The following KIF27 variants were observed in gnomAD, a reference collection of about 807,000 sequenced individuals.
KIF27 encodes the protein kinesin family member 27, also known as kinesin-like protein KIF27.
Under a neutral mutation model 141.8 loss-of-function variants are expected in KIF27, and 84 were observed. The ratio of observed to expected loss-of-function variants is 0.59; its 90% CI spans 0.50 to 0.71. KIF27 has a LOEUF of 0.71. Ranked by LOEUF, KIF27 falls within the 30% of genes least tolerant of loss-of-function variation. The pLI is 0.00. For synonymous variants in KIF27, 471 were observed against 569.5 expected, an observed-to-expected ratio of 0.83 and a Z score of 2.46; for missense variants, 1,306 against 1,628.4, an observed-to-expected ratio of 0.80 and a Z score of 3.41.
At chr9:83,869,490 C>T (rs1344438081) in intron 12 of KIF27, among the ~76,000 whole-genome samples, 1 of 152,140 alleles carries the variant, frequency 6.6e-6, no homozygotes. Context: ...AATCCCAGCA[C>T]TTTGGGAGGC....
chr9:83,907,338 A>T (rs1267933028), intron 3 of KIF27, among the ~76,000 whole-genome samples: 5 of 135,496 alleles, frequency 3.7e-5, no homozygotes, highest in Non-Finnish European at 6.5e-5. Flanking sequence ...AAATAAATAA[A>T]TAATATGTAC....
In KIF27 at chr9:83,899,662, T is replaced by G. The variant is rs766736854; in HGVS notation, c.1601A>C (p.Gln534Pro). 3.7e-6 allele frequency: 6 copies of G among 1,613,494 alleles called. No homozygotes were observed. The highest frequency in any genetic ancestry group is 5.1e-6 in the Non-Finnish European group (6 of 1,179,572). ...LKEAQKVNRL[Q>P]NEKIIEQQLL... ...GAGCTAGATGCATTAAGAAACTACC[T>G]GCAGTCTATTCACTTTTTGCGCTTC... is the stretch of plus-strand genomic sequence containing the variant. The change falls in exon 5 of 18, where the codon CAG (glutamine) becomes CCG (proline). Residue 534 changes from glutamine to proline, a missense_variant and splice_region_variant. This residue lies in a region of KIF27 where 596 missense variants were observed against 751.6 expected (regional missense o/e 0.79). Coordinates refer to ENST00000297814, the MANE Select transcript of KIF27 (RefSeq NM_017576.4).
Position 83,853,672 on chromosome 9 carries a change from C to T in KIF27, c.3314G>A (p.Ser1105Asn). The T allele has an allele frequency of 1.9e-6, 3 of 1,613,840 alleles. No homozygotes were observed. The highest frequency in any genetic ancestry group is 2.5e-6 in the Non-Finnish European group (3 of 1,179,824). Residue 1105 changes from serine to asparagine, a missense_variant, in exon 15 of 18, where the codon AGT (serine) becomes AAT (asparagine). By Grantham distance (46) the Ser-to-Asn change is conservative. Transcript: ENST00000297814. ...ANVLEKLACL[S>N]PVEIRTILFR... ...AAGAATAGTTCTAATCTCAACAGGA[C>T]TCAGGCAAGCTAGCTTTTCCAAGAC... is the stretch of plus-strand genomic sequence containing the variant.
At chr9:83,872,993 A>C (rs1455927177) in intron 11 of KIF27, among the ~76,000 whole-genome samples, 1 of 152,220 alleles carries the variant, frequency 6.6e-6, no homozygotes, top group Non-Finnish European at 1.5e-5. Context: ...TTGGATCCTG[A>C]GTTGAGAGCT....
rs1188098684 is a variant in KIF27, at chr9:83,835,328, C to T, written c.*1673G>A. On this transcript the variant is annotated 3_prime_UTR_variant, in exon 18 of 18. Transcript: ENST00000297814. Reference sequence around the variant, plus strand: ...TGGAAGACTAGCTGGAAACCAGAATCTGACTTCAAACAGTTCCTGGTAAAA... The same window carrying T: ...TGGAAGACTAGCTGGAAACCAGAATTTGACTTCAAACAGTTCCTGGTAAAA... Among the ~76,000 whole-genome samples the T allele has an allele frequency of 1.3e-5, 2 of 151,784 alleles. No individual in the cohort carries two copies. The highest frequency in any genetic ancestry group is 2.9e-5 in the Non-Finnish European group (2 of 67,932).
At chr9:83,905,635 G>C (rs1346355823) in intron 3 of KIF27, among the ~76,000 whole-genome samples, 4 of 152,116 alleles carry the variant, frequency 2.6e-5, no homozygotes, top group African/African-American at 9.7e-5. Flanking sequence ...GTAAGTCATA[G>C]TAAAACTTTC....
chr9:83,917,893 C>A (rs1051615390), intron 1 of KIF27, among the ~76,000 whole-genome samples: 6 of 152,110 alleles, frequency 3.9e-5, no homozygotes, highest in African/African-American at 1.4e-4. Context: ...GCAATAATTT[C>A]TCAGATATGA....
chr9:83,896,051 C>CAAAAAAAAAA (rs35504224), intron 5 of KIF27, among the ~76,000 whole-genome samples: 9 of 54,536 alleles, frequency 1.7e-4, no homozygotes, highest in Admixed American at 2.6e-4. Context: ...GACTCTGTCT[C>CAAAAAAAAAA]AAAAAAAAAA....
intron 14 of KIF27, among the ~76,000 whole-genome samples, chr9:83,854,358 A>C (rs1428834222): frequency 6.6e-6 from 1 of 152,196 alleles, no homozygotes; most frequent in Non-Finnish European, 1.5e-5. Flanking sequence ...AAATGTTAGA[A>C]TAAGTTATTA....
intron 13 of KIF27, among the ~76,000 whole-genome samples, chr9:83,864,587 C>T (rs562678031): frequency 3.9e-5 from 6 of 152,304 alleles, no homozygotes; most frequent in South Asian, 2.1e-4. Context: ...GAGTGCTTTA[C>T]TTCCAACTAT....
chr9:83,873,705 C>T (rs1950978021), intron 11 of KIF27, among the ~76,000 whole-genome samples: 1 of 152,118 alleles, frequency 6.6e-6, no homozygotes, highest in African/African-American at 2.4e-5. Flanking sequence ...ATAAAGCTAC[C>T]TTAAATAAAG....
Position 83,846,427 on chromosome 9 carries a change from C to T in KIF27, c.3556+3672G>A, listed in dbSNP as rs541251498. On this transcript the variant is annotated intron_variant, in intron 16 of 17. Transcript: ENST00000297814. The stretch of plus-strand genomic sequence containing the variant: ...ATGGCTAAAGAAGTGTGGCAGTGGG[C>T]TCATGCTCATGGGATTCACTGGTCA... Among the ~76,000 whole-genome samples, 4 of 152,288 alleles carry T rather than the reference C, an allele frequency of 2.6e-5. No homozygotes were observed. The South Asian group carries it at 8.3e-4, about 32-fold the overall frequency.
In KIF27 at chr9:83,837,079, G is replaced by A. The variant is rs1300596579; in HGVS notation, c.4128C>T (p.Ser1376=). The change falls in exon 18 of 18, where the codon TCC becomes TCT. Residue 1376 remains serine (S), a synonymous_variant. Coordinates refer to ENST00000297814, the MANE Select transcript of KIF27 (RefSeq NM_017576.4). The part of the protein sequence containing the change: ...ISALELSLRR[S]SLGVGIGSMA... ...TTGATCCAATGCCAACTCCAAGACT[G>A]GAACGTCGCAATGATAGTTCCAAGG... 2 of 1,613,832 alleles carry A rather than the reference G, an allele frequency of 1.2e-6. No individual in the cohort carries two copies. Among genetic ancestry groups the A allele is most frequent in the Non-Finnish European group, 1.7e-6 (2 of 1,179,880 alleles).
At chr9:83,852,001 G>A (rs1230625310) in intron 15 of KIF27, among the ~76,000 whole-genome samples, 2 of 151,864 alleles carry the variant, frequency 1.3e-5, no homozygotes, top group Admixed American at 6.6e-5. Flanking sequence ...GGCAGCACAC[G>A]CCTGTGATCC....
intron 1 of KIF27, among the ~76,000 whole-genome samples, chr9:83,920,026 G>A (rs1454609851): frequency 6.6e-6 from 1 of 151,938 alleles, no homozygotes; most frequent in Admixed American, 6.6e-5. Context: ...CAGCCCACGA[G>A]TTCCAGACCA....
At chr9:83,899,379 A>C (rs1055840744) in intron 5 of KIF27, among the ~76,000 whole-genome samples, 5 of 152,232 alleles carry the variant, frequency 3.3e-5, no homozygotes, top group African/African-American at 9.6e-5. Context: ...TTGGCAAACA[A>C]CAGGAAGGAA....
chr9:83,839,280 T>C (rs1946290596), intron 17 of KIF27, among the ~76,000 whole-genome samples: 2 of 152,180 alleles, frequency 1.3e-5, no homozygotes, highest in Admixed American at 1.3e-4. Flanking sequence ...CAAAGCCCAC[T>C]TGGATTCTTC....
At chr9:83,840,199 G>T (rs1203558840) in intron 17 of KIF27, among the ~76,000 whole-genome samples, 2 of 152,068 alleles carry the variant, frequency 1.3e-5, no homozygotes, top group South Asian at 4.1e-4. Context: ...AATATGAAAA[G>T]AATTATGCTC....
At chr9:83,860,196 TA>T (rs1949735766) in intron 13 of KIF27, 1 of 152,206 alleles carries the variant, frequency 6.6e-6, no homozygotes, top group African/African-American at 2.4e-5. Context: ...ATTATTTGTA[TA>T]TACTACCATA....
Sources: allele counts gnomAD v4.1 joint callset (sites outside exome capture counted in the v4.1 genomes callset), GRCh38; gene constraint gnomAD v4.1.1; regional missense constraint gnomAD v4.1.1; transcripts MANE v1.5; gene names NCBI Gene and HGNC (gene_info 2026-07-23, HGNC 2026-07-21).